FRMD4B: variants seen among roughly 807,000 people sequenced by gnomAD.
The protein encoded by FRMD4B is FERM domain-containing protein 4B.
In FRMD4B, 74 loss-of-function variants were observed where a neutral mutation model predicts 141.5. The ratio of observed to expected loss-of-function variants is 0.52; its 90% confidence interval spans 0.43 to 0.63. The LOEUF (loss-of-function observed/expected upper bound fraction) is 0.63, where lower values mean the gene tolerates loss of function less well. Ranked by LOEUF, FRMD4B falls within the 30% of genes least tolerant of loss-of-function variation. The probability of loss-of-function intolerance (pLI) is 0.00; values close to 1 mark genes in which losing one functional copy is unlikely to be tolerated. For synonymous variants in FRMD4B, 506 were observed against 467.9 expected (o/e 1.08, Z -1.05); for missense variants, 1,366 against 1,253.4 (o/e 1.09, Z -1.36).
chr3:69,487,035 G>T (rs905731919), intron 1 of FRMD4B, among the ~76,000 whole-genome samples: 1 of 152,146 alleles, frequency 6.6e-6, no homozygotes, highest in Non-Finnish European at 1.5e-5. Context: ...ACGTCTGACA[G>T]GGTCAGTGAT....
intron 1 of FRMD4B, among the ~76,000 whole-genome samples, chr3:69,460,939 T>G (rs1705697778): frequency 6.6e-6 from 1 of 152,250 alleles, no homozygotes; most frequent in South Asian, 2.1e-4. Context: ...ATTTTCACCA[T>G]GAGAAATGGC....
At chr3:69,498,494 G>C (rs1473903279) in intron 1 of FRMD4B, among the ~76,000 whole-genome samples, 1 of 152,182 alleles carries the variant, frequency 6.6e-6, no homozygotes, top group Non-Finnish European at 1.5e-5. Context: ...TATGAGAATA[G>C]TTGTGCAAAT....
At chr3:69,202,696 G>A (rs1019162411) in intron 11 of FRMD4B, among the ~76,000 whole-genome samples, 2 of 152,132 alleles carry the variant, frequency 1.3e-5, no homozygotes, top group Non-Finnish European at 2.9e-5. Context: ...GGAAATAGTT[G>A]TAAGGTGAAA....
rs2107098876 is a variant in FRMD4B at position 69,291,502 on chromosome 3, T to C, written c.417-3666A>G. Among the ~76,000 whole-genome samples, 2 of 152,298 alleles carry C rather than the reference T, an allele frequency of 1.3e-5. 1 individual carries two copies. The highest frequency in any genetic ancestry group is 4.1e-4 in the South Asian group (2 of 4,828). On this transcript the variant is annotated intron_variant, in intron 4 of 22. Coordinates refer to ENST00000398540, the MANE Select transcript of FRMD4B (RefSeq NM_015123.3). ...AGTCGTAAGGATCACTGGCTGGATA[T>C]AAATGAGTGATGCTGACCAGATGGG...
chr3:69,410,123 C>G (rs960838591), intron 2 of FRMD4B, among the ~76,000 whole-genome samples: 1 of 152,210 alleles, frequency 6.6e-6, no homozygotes, highest in Non-Finnish European at 1.5e-5. Flanking sequence ...GCTTGCTTCC[C>G]TCAGACTGTG....
Position 69,186,440 on chromosome 3 carries a change from A to G in FRMD4B, c.1919+1330T>C, listed in dbSNP as rs533631580. On this transcript the variant is annotated intron_variant, in intron 19 of 22. Coordinates refer to ENST00000398540, the MANE Select transcript of FRMD4B (RefSeq NM_015123.3). ...AAAAAAGAAATTTTGGGCCGGGCAC[A>G]CTGGCTCATGCCTGTAATCCCAGCA... Among the ~76,000 whole-genome samples the G allele has an allele frequency of 3.3e-5, 5 of 152,098 alleles. No homozygotes were observed. The East Asian group carries it at 7.8e-4, about 24-fold the overall frequency.
intron 22 of FRMD4B, 32 bp from the exon 23 acceptor site, chr3:69,172,013 G>C: frequency 1.2e-6 from 2 of 1,609,032 alleles, no homozygotes. Context: ...GTTACTACTT[G>C]TGGCCATATT....
chr3:69,237,380 T>G (rs2093352028), intron 7 of FRMD4B, among the ~76,000 whole-genome samples: 1 of 152,244 alleles, frequency 6.6e-6, no homozygotes, highest in Non-Finnish European at 1.5e-5. Flanking sequence ...CAAGTCAGGT[T>G]GCAGCTATTT....
At position 69,404,236 on chromosome 3, in the gene FRMD4B, C is replaced by A. The variant is rs72939723; in HGVS notation, c.-1+28398G>T. ...TCTTTTGGATTTTCTTGAAGAAAATCGCAAATAGAAAATACAGTGTGAGTG... is the reference window on the plus strand; with the variant it reads ...TCTTTTGGATTTTCTTGAAGAAAATAGCAAATAGAAAATACAGTGTGAGTG... On this transcript the variant is annotated intron_variant, in intron 2 of 5. Coordinates refer to the FRMD4B transcript ENST00000459638. Among the ~76,000 whole-genome samples the A allele has an allele frequency of 5.8e-4, 88 of 152,164 alleles. 1 individual carries two copies. The highest frequency in any genetic ancestry group is 1.9e-3 in the African/African-American group (79 of 41,498).
At chr3:69,220,999 T>G (rs757027809) in intron 9 of FRMD4B, among the ~76,000 whole-genome samples, 1 of 152,048 alleles carries the variant, frequency 6.6e-6, no homozygotes, top group Non-Finnish European at 1.5e-5. Context: ...GTTTCTTTAT[T>G]GTCACCTGGC....
chr3:69,198,243 A>G (rs372265658), intron 12 of FRMD4B: 2 of 151,388 alleles, frequency 1.3e-5, no homozygotes, highest in African/African-American at 4.9e-5. Context: ...GACCAAGAAC[A>G]CCAACATTTT....
At chr3:69,356,815 A>G (rs1015506480) in intron 1 of FRMD4B, among the ~76,000 whole-genome samples, 2 of 152,068 alleles carry the variant, frequency 1.3e-5, no homozygotes, top group Non-Finnish European at 2.9e-5. Flanking sequence ...CATGCCAGAC[A>G]GAAGAGTTGG....
chr3:69,277,799 G>A (rs1256748672), intron 5 of FRMD4B, among the ~76,000 whole-genome samples: 1 of 151,548 alleles, frequency 6.6e-6, no homozygotes, highest in Non-Finnish European at 1.5e-5. Context: ...CAAAGTGATG[G>A]GATTACAGGC....
At chr3:69,454,861 G>A (rs1321736287) in intron 1 of FRMD4B, among the ~76,000 whole-genome samples, 1 of 152,250 alleles carries the variant, frequency 6.6e-6, no homozygotes, top group African/African-American at 2.4e-5. Flanking sequence ...GCCCCTGCGT[G>A]GGATCCACTA....
At chr3:69,458,256 G>A (rs190817791) in intron 1 of FRMD4B, among the ~76,000 whole-genome samples, 1 of 152,170 alleles carries the variant, frequency 6.6e-6, no homozygotes, top group Admixed American at 6.5e-5. Flanking sequence ...TATGACTATT[G>A]ACTAGATTTT....
At chr3:69,446,834 G>C (rs1197585616) in intron 1 of FRMD4B, among the ~76,000 whole-genome samples, 1 of 152,140 alleles carries the variant, frequency 6.6e-6, no homozygotes, top group African/African-American at 2.4e-5. Context: ...AGACCCTTTG[G>C]AGACATCAGT....
chr3:69,354,865 T>G (rs1358343370), intron 1 of FRMD4B, among the ~76,000 whole-genome samples: 1 of 152,152 alleles, frequency 6.6e-6, no homozygotes, highest in African/African-American at 2.4e-5. Flanking sequence ...CAAATAGAAG[T>G]CACTTGATGA....
chr3:69,455,490 C>A (rs78348819), intron 1 of FRMD4B, among the ~76,000 whole-genome samples: 1 of 152,134 alleles, frequency 6.6e-6, no homozygotes, highest in Non-Finnish European at 1.5e-5. Context: ...TAAGGCTCAC[C>A]GTGAAGGTCT....
chr3:69,211,022 C>CAAAAAAAAAAAA (rs1559720205), intron 11 of FRMD4B, among the ~76,000 whole-genome samples: 8 of 3,370 alleles, frequency 2.4e-3, no homozygotes, highest in African/African-American at 4.7e-3. Context: ...AATGCCATCT[C>CAAAAAAAAAAAA]GAAAAAAAAA....
Sources: gnomAD v4.1 joint callset for allele counts (sites outside exome capture counted in the v4.1 genomes callset) on GRCh38, gnomAD v4.1.1 for gene constraint, MANE v1.5 for transcripts, NCBI Gene and HGNC (gene_info 2026-07-23, HGNC 2026-07-21) for gene names.